Variants in CDYL observed in about 807,000 individuals in gnomAD.
The protein encoded by CDYL is chromodomain Y like.
A neutral mutation model predicts 47.3 loss-of-function variants in CDYL; 8 were observed. The ratio of observed to expected loss-of-function variants is 0.17; its 90% confidence interval spans 0.10 to 0.31. The LOEUF is 0.31. CDYL is among the 10% of genes least tolerant of loss of function. The pLI, the probability that CDYL is intolerant of heterozygous loss-of-function variation, is 1.00. For missense variants in CDYL, 471 were observed against 701.4 expected (o/e 0.67, Z 3.71); for synonymous variants, 266 against 265.0 (o/e 1.00, Z -0.04).
At chr6:4,839,168 T>G (rs1760414077) in intron 1 of CDYL, among the ~76,000 whole-genome samples, 1 of 152,246 alleles carries the variant, frequency 6.6e-6, no homozygotes, top group East Asian at 1.9e-4. Context: ...ATTTCCCTGA[T>G]CATTAGTGAT....
chr6:4,825,922 C>G (rs1325739919), intron 1 of CDYL, among the ~76,000 whole-genome samples: 2 of 151,864 alleles, frequency 1.3e-5, no homozygotes, highest in Non-Finnish European at 2.9e-5. Context: ...AACACACTGC[C>G]TTGTTTCAGC....
chr6:4,952,231 G>A lies in CDYL; in HGVS notation c.1333-35G>A, dbSNP rs760204082. The A allele has an allele frequency of 1.3e-5, 21 of 1,600,538 alleles. No homozygotes were observed. In the East Asian group the frequency reaches 1.3e-4, roughly 10 times the overall value. The stretch of plus-strand genomic sequence containing the variant: ...GGGTCTTCCCCGCCCGCCTCCCACC[G>A]CAATTCATATTACATCCACTCTTCT... On this transcript the variant is annotated intron_variant, in intron 5 of 6. Transcript: ENST00000397588.
At chr6:4,943,402 C>A in intron 4 of CDYL, 144 bp from the exon 5 acceptor site, 1 of 634,002 alleles carries the variant, frequency 1.6e-6, no homozygotes, top group Non-Finnish European at 2.7e-6. Flanking sequence ...GGGTCCACAA[C>A]TGCTGGGGAA....
chr6:4,712,249 G>GGCT (rs1757164780), intron 1 of CDYL, among the ~76,000 whole-genome samples: 1 of 152,184 alleles, frequency 6.6e-6, no homozygotes, highest in African/African-American at 2.4e-5. Context: ...ACATGTTCAT[G>GGCT]AGAGAATTAG....
chr6:4,831,755 C>T (rs1302441057), intron 1 of CDYL, among the ~76,000 whole-genome samples: 1 of 152,164 alleles, frequency 6.6e-6, no homozygotes, highest in African/African-American at 2.4e-5. Context: ...TTTCATTGAG[C>T]AGTGGTTTGT....
rs540167108 is a variant in CDYL, at chr6:4,765,278, G to A, written c.186+30434G>A. Reference sequence around the variant, plus strand: ...GCAGAGGTTGCAGTAAGCTGAGATCGCACCACTGTACTCCAGCCTTGGTGA... The same window carrying A: ...GCAGAGGTTGCAGTAAGCTGAGATCACACCACTGTACTCCAGCCTTGGTGA... On this transcript the variant is annotated intron_variant, in intron 3 of 8. Transcript: ENST00000328908. 2.3e-3 allele frequency among the ~76,000 whole-genome samples: 344 copies of A among 151,610 alleles called. 1 individual carries two copies. The highest frequency in any genetic ancestry group is 7.5e-3 in the African/African-American group (311 of 41,310).
chr6:4,829,970 T>C (rs1427724277), intron 1 of CDYL, among the ~76,000 whole-genome samples: 1 of 152,266 alleles, frequency 6.6e-6, no homozygotes, highest in Non-Finnish European at 1.5e-5. Context: ...TGTTCACTTG[T>C]CTGCTGCCAA....
intron 1 of CDYL, among the ~76,000 whole-genome samples, chr6:4,823,213 C>CT (rs1222637908): frequency 5.3e-5 from 8 of 152,172 alleles, no homozygotes; most frequent in Admixed American, 5.2e-4. Flanking sequence ...CTTTAAGACT[C>CT]TTTTTAATTA....
chr6:4,848,709 C>T (rs1000280554), intron 1 of CDYL, among the ~76,000 whole-genome samples: 17 of 152,170 alleles, frequency 1.1e-4, no homozygotes. Flanking sequence ...CAATGGCTTG[C>T]GTCTGAGTCT....
intron 2 of CDYL, among the ~76,000 whole-genome samples, chr6:4,908,289 G>C (rs773627694): frequency 7.9e-5 from 12 of 152,142 alleles, no homozygotes; most frequent in Non-Finnish European, 1.3e-4. Context: ...GAAAGGGTCC[G>C]GAACCGGGCA....
chr6:4,887,743 A>C (rs1462771406), intron 1 of CDYL, among the ~76,000 whole-genome samples: 2 of 152,164 alleles, frequency 1.3e-5, no homozygotes, highest in Non-Finnish European at 2.9e-5. Context: ...TAGAAGTGGC[A>C]AGAACAAACA....
At chr6:4,900,828 TATC>T (rs1757026044) in intron 2 of CDYL, among the ~76,000 whole-genome samples, 1 of 99,370 alleles carries the variant, frequency 1.0e-5, no homozygotes, top group African/African-American at 3.6e-5. Flanking sequence ...TATATATATA[TATC>T]TTGCCTGTTT....
intron 1 of CDYL, among the ~76,000 whole-genome samples, chr6:4,836,946 C>T (rs940504157): frequency 3.3e-5 from 5 of 152,070 alleles, no homozygotes; most frequent in African/African-American, 9.7e-5. Context: ...GGTGTGGGTG[C>T]AGGTATGTGT....
intron 2 of CDYL, among the ~76,000 whole-genome samples, chr6:4,898,749 G>T (rs1401722653): frequency 6.6e-6 from 1 of 152,184 alleles, no homozygotes; most frequent in Non-Finnish European, 1.5e-5. Context: ...CTCTTGTCCA[G>T]CTGGAGCCAG....
chr6:4,809,582 A>G (rs1158533175), intron 1 of CDYL, among the ~76,000 whole-genome samples: 4 of 149,032 alleles, frequency 2.7e-5, no homozygotes, highest in African/African-American at 7.8e-5. Flanking sequence ...GGGGTATTAT[A>G]TTAGTCCTTG....
intron 1 of CDYL, among the ~76,000 whole-genome samples, chr6:4,879,583 A>G (rs1363816947): frequency 1.8e-5 from 2 of 112,612 alleles, no homozygotes; most frequent in Non-Finnish European, 1.7e-5. Context: ...TTTGAGACAG[A>G]GTTTCGCTCT....
chr6:4,846,482 A>C (rs945342735), intron 1 of CDYL, among the ~76,000 whole-genome samples: 1 of 152,206 alleles, frequency 6.6e-6, no homozygotes, highest in African/African-American at 2.4e-5. Flanking sequence ...TGTCAGACTA[A>C]TATTCTATGT....
intron 4 of CDYL, among the ~76,000 whole-genome samples, chr6:4,938,647 G>A (rs1259321774): frequency 1.3e-5 from 2 of 152,032 alleles, no homozygotes; most frequent in Non-Finnish European, 1.5e-5. Context: ...CATTAACTGT[G>A]GTCACCATGA....
chr6:4,730,792 C>G (rs1273834898), intron 2 of CDYL, among the ~76,000 whole-genome samples: 2 of 152,066 alleles, frequency 1.3e-5, no homozygotes, highest in African/African-American at 4.8e-5. Flanking sequence ...GAGTTGGCCT[C>G]CCTCCCTCGC....
Sources: allele counts gnomAD v4.1 joint callset (sites outside exome capture counted in the v4.1 genomes callset), GRCh38; gene constraint gnomAD v4.1.1; transcripts MANE v1.5; gene names NCBI Gene and HGNC (gene_info 2026-07-23, HGNC 2026-07-21).